The following TCERG1L variants were observed in gnomAD, a reference collection of about 807,000 sequenced individuals.
TCERG1L encodes the protein transcription elongation regulator 1 like, also known as transcription elongation regulator 1-like protein.
A neutral mutation model predicts 56.3 loss-of-function variants in TCERG1L; 37 were observed. That is an observed-to-expected ratio of 0.66 (90% CI 0.51 to 0.87). TCERG1L has a LOEUF of 0.87. Among genes scored for constraint, TCERG1L ranks in the 40% least tolerant of loss-of-function variants. TCERG1L has a pLI of 0.00. For synonymous variants in TCERG1L, 324 were observed against 326.3 expected, an observed-to-expected ratio of 0.99 and a Z score of 0.08; for missense variants, 799 against 774.2, an observed-to-expected ratio of 1.03 and a Z score of -0.38.
intron 3 of TCERG1L, among the ~76,000 whole-genome samples, chr10:131,278,922 G>A (rs1846424065): frequency 6.6e-6 from 1 of 152,140 alleles, no homozygotes; most frequent in Non-Finnish European, 1.5e-5. Context: ...CTCCTGCATG[G>A]CCTTCAACCC....
chr10:131,094,801 C>A (rs1845223921), intron 11 of TCERG1L, among the ~76,000 whole-genome samples: 1 of 152,216 alleles, frequency 6.6e-6, no homozygotes, highest in African/African-American at 2.4e-5. Flanking sequence ...TCCACCCCGA[C>A]CTGCGGGGGA....
chr10:131,109,112 C>T (rs1340989562), intron 9 of TCERG1L, among the ~76,000 whole-genome samples: 1 of 152,154 alleles, frequency 6.6e-6, no homozygotes, highest in East Asian at 1.9e-4. Context: ...CCCATCTGCC[C>T]AGCACGTCCC....
chr10:131,141,076 G>A lies in TCERG1L; in HGVS notation c.1189+5430C>T, dbSNP rs116361979. ...GCTGCAACTACCCCGAATAGGAGAT[G>A]GACCTGACACGGCCACTTTGCTTTG... On this transcript the variant is annotated intron_variant, in intron 7 of 11. Transcript: ENST00000368642. Among the ~76,000 whole-genome samples the A allele has an allele frequency of 2.5e-3, 380 of 152,326 alleles. 1 individual carries two copies. Among genetic ancestry groups the A allele is most frequent in the African/African-American group, 8.1e-3 (336 of 41,566 alleles).
chr10:131,155,049 G>A (rs747221145), intron 6 of TCERG1L, among the ~76,000 whole-genome samples: 2 of 152,190 alleles, frequency 1.3e-5, no homozygotes, highest in Admixed American at 6.5e-5. Context: ...CCAAGAGCAC[G>A]GGCTCCCCTA....
intron 4 of TCERG1L, among the ~76,000 whole-genome samples, chr10:131,231,775 A>G (rs1030683752): frequency 1.3e-5 from 2 of 152,112 alleles, no homozygotes; most frequent in African/African-American, 4.8e-5. Context: ...ACTTCCACTT[A>G]GCAAAAAAAA....
chr10:131,290,809 T>C (rs1846608937), intron 3 of TCERG1L, among the ~76,000 whole-genome samples: 1 of 152,194 alleles, frequency 6.6e-6, no homozygotes, highest in African/African-American at 2.4e-5. Flanking sequence ...ATTTTTCCTT[T>C]TGGCATTATG....
chr10:131,223,981 C>T (rs548721017), intron 4 of TCERG1L, among the ~76,000 whole-genome samples: 1 of 152,194 alleles, frequency 6.6e-6, no homozygotes, highest in South Asian at 2.1e-4. Context: ...CACTGCATTC[C>T]CCGTGGTGAG....
chr10:131,311,414 G>A lies in TCERG1L; in HGVS notation c.222C>T (p.Leu74=), dbSNP rs1846897458. 8.5e-7 allele frequency: 1 copy of A among 1,180,668 alleles called. No homozygotes were observed. Among genetic ancestry groups the A allele is most frequent in the Non-Finnish European group, 1.0e-6 (1 of 956,526 alleles). The allele number at this position is 1,180,668 out of a possible 1,614,324, so 73.1% of individuals were successfully genotyped here. A position where few individuals can be genotyped will look rare whatever the true frequency, so the allele number is the denominator to read the frequency against. The change falls in exon 1 of 12, where the codon CTC becomes CTT. Residue 74 remains leucine (L), a synonymous_variant. Coordinates refer to ENST00000368642, the MANE Select transcript of TCERG1L (RefSeq NM_174937.4). The surrounding 1 kb of genome is among the most constrained non-coding windows in gnomAD (Gnocchi z 4.0). ...ASAPPPAAPL[L]PGLPGWPAPS... The stretch of plus-strand genomic sequence containing the variant: ...GGGCCGGCCAGCCGGGGAGACCGGG[G>A]AGCAGCGGGGCCGCGGGCGGCGGGG...
In TCERG1L at chr10:131,311,187, C is replaced by T; in HGVS notation, c.342+107G>A. 1 of 939,422 alleles carries T rather than the reference C, an allele frequency of 1.1e-6. No homozygotes were observed. Among genetic ancestry groups the T allele is most frequent in the Non-Finnish European group, 1.3e-6 (1 of 741,634 alleles). 58.2% of individuals were successfully genotyped at this position (939,422 alleles called of 1,614,324 possible). A position where few individuals can be genotyped will look rare whatever the true frequency, so the allele number is the denominator to read the frequency against. On this transcript the variant is annotated intron_variant, in intron 1 of 11. Transcript: ENST00000368642. The surrounding 1 kb of genome is among the most constrained non-coding windows in gnomAD (Gnocchi z 4.0). Reference sequence around the variant, plus strand: ...TGAGGGTTTGGGGCGGCGAGGACCGCCGGGGAGGAGGGCGCGCGAGCCGGA... The same window carrying T: ...TGAGGGTTTGGGGCGGCGAGGACCGTCGGGGAGGAGGGCGCGCGAGCCGGA...
At chr10:131,283,122 G>A (rs1846480233) in intron 3 of TCERG1L, among the ~76,000 whole-genome samples, 1 of 152,228 alleles carries the variant, frequency 6.6e-6, no homozygotes, top group Admixed American at 6.5e-5. Context: ...AGTGAGTCAT[G>A]TCTGCCACGG....
intron 4 of TCERG1L, among the ~76,000 whole-genome samples, chr10:131,208,789 G>T (rs1845579329): frequency 6.6e-6 from 1 of 152,212 alleles, no homozygotes; most frequent in Admixed American, 6.5e-5. Context: ...CGGGCGCAGT[G>T]GCTCACGCCT....
chr10:131,126,113 G>C (rs1030605037), intron 8 of TCERG1L, among the ~76,000 whole-genome samples: 2 of 152,184 alleles, frequency 1.3e-5, no homozygotes, highest in Admixed American at 1.3e-4. Context: ...CCCTGCTTCT[G>C]CCCTGCTCGC....
At chr10:131,221,298 G>A (rs192263268) in intron 4 of TCERG1L, among the ~76,000 whole-genome samples, 17 of 152,318 alleles carry the variant, frequency 1.1e-4, no homozygotes, top group East Asian at 5.8e-4. Context: ...TCAAATCACC[G>A]GTGGAGTGGG....
chr10:131,307,404 T>C (rs1846827537), intron 3 of TCERG1L, among the ~76,000 whole-genome samples: 2 of 152,156 alleles, frequency 1.3e-5, no homozygotes, highest in South Asian at 4.1e-4. Flanking sequence ...CACAAGAACA[T>C]CTTATTACTA....
At chr10:131,177,169 GAC>G (rs753863258) in intron 4 of TCERG1L, among the ~76,000 whole-genome samples, 59 of 11,388 alleles carry the variant, frequency 5.2e-3, no homozygotes, top group South Asian at 0.04. Flanking sequence ...GAGACACATG[GAC>G]ACACACAGAC....
intron 3 of TCERG1L, among the ~76,000 whole-genome samples, chr10:131,280,695 C>G (rs1232729056): frequency 6.6e-6 from 1 of 151,360 alleles, no homozygotes; most frequent in East Asian, 1.9e-4. Flanking sequence ...TCTGTGCCTG[C>G]CTAAGATGTG....
intron 4 of TCERG1L, among the ~76,000 whole-genome samples, chr10:131,170,903 T>G (rs547129018): frequency 9.2e-5 from 14 of 152,170 alleles, no homozygotes; most frequent in African/African-American, 3.1e-4. Context: ...ATCCCAGCAC[T>G]TTGGGAGGCC....
At chr10:131,233,748 C>G (rs1430193192) in intron 4 of TCERG1L, among the ~76,000 whole-genome samples, 1 of 152,164 alleles carries the variant, frequency 6.6e-6, no homozygotes, top group Non-Finnish European at 1.5e-5. Context: ...TGCTATGCTT[C>G]GGCTATGGTT....
At chr10:131,115,242 G>A (rs1442197239) in intron 9 of TCERG1L, among the ~76,000 whole-genome samples, 3 of 152,334 alleles carry the variant, frequency 2.0e-5, no homozygotes, top group South Asian at 4.1e-4. Flanking sequence ...GAAGGCACAC[G>A]GTGATCACCC....
Sources: allele counts gnomAD v4.1 joint callset (sites outside exome capture counted in the v4.1 genomes callset), GRCh38; gene constraint gnomAD v4.1.1; non-coding constraint Gnocchi (gnomAD v3.1); transcripts MANE v1.5; gene names NCBI Gene and HGNC (gene_info 2026-07-23, HGNC 2026-07-21).